The following PPP1R13B variants were observed in gnomAD, a reference collection of about 807,000 sequenced individuals.
PPP1R13B encodes the protein protein phosphatase 1 regulatory subunit 13B.
Under a neutral mutation model 119.8 loss-of-function variants are expected in PPP1R13B, and 44 were observed. The ratio of observed to expected loss-of-function variants is 0.37; its 90% CI spans 0.29 to 0.47. The LOEUF is 0.47. Ranked by LOEUF, PPP1R13B falls within the 20% of genes least tolerant of loss-of-function variation. The pLI is 0.99. For synonymous variants in PPP1R13B, 542 were observed against 561.5 expected, an observed-to-expected ratio of 0.97 and a Z score of 0.49; for missense variants, 1,227 against 1,413.5, an observed-to-expected ratio of 0.87 and a Z score of 2.12.
intron 12 of PPP1R13B, 176 bp from the exon 13 acceptor site, chr14:103,739,199 C>T: frequency 1.3e-6 from 1 of 744,454 alleles, no homozygotes; most frequent in South Asian, 1.8e-5. Flanking sequence ...GGGCCAGGGC[C>T]ACTCTGCTCA....
chr14:103,811,898 T>C (rs2086164764), intron 1 of PPP1R13B, among the ~76,000 whole-genome samples: 1 of 148,742 alleles, frequency 6.7e-6, no homozygotes, highest in Non-Finnish European at 1.5e-5. Context: ...CTACTAAAAA[T>C]ACAAAAACAG....
intron 1 of PPP1R13B, among the ~76,000 whole-genome samples, chr14:103,837,212 G>A (rs962192802): frequency 3.9e-5 from 6 of 152,264 alleles, no homozygotes; most frequent in Non-Finnish European, 8.8e-5. Context: ...CAGGGAGGAC[G>A]TGTGTGGGTG....
intron 1 of PPP1R13B, among the ~76,000 whole-genome samples, chr14:103,810,919 T>C (rs2086137462): frequency 7.1e-6 from 1 of 140,124 alleles, no homozygotes; most frequent in Non-Finnish European, 1.6e-5. Context: ...TGAAGCCCCG[T>C]CTCTACTAAA....
chr14:103,803,999 A>G, intron 1 of PPP1R13B: 1 of 943,020 alleles, frequency 1.1e-6, no homozygotes, highest in South Asian at 4.9e-5. Flanking sequence ...TAAATTATCA[A>G]TAGTTTTCTT....
intron 2 of PPP1R13B, among the ~76,000 whole-genome samples, chr14:103,795,228 G>A (rs761440500): frequency 1.7e-4 from 26 of 152,150 alleles, no homozygotes; most frequent in African/African-American, 2.7e-4. Context: ...AAGAGCCACC[G>A]TGCCCGACCT....
chr14:103,845,312 G>GTTTA (rs1220501869), intron 1 of PPP1R13B, among the ~76,000 whole-genome samples: 6 of 152,116 alleles, frequency 3.9e-5, no homozygotes, highest in Non-Finnish European at 5.9e-5. Context: ...CTCCAACTGT[G>GTTTA]TTAATAGAGG....
intron 4 of PPP1R13B, among the ~76,000 whole-genome samples, chr14:103,772,758 C>G (rs2085101834): frequency 1.3e-5 from 2 of 151,840 alleles, no homozygotes; most frequent in South Asian, 4.2e-4. Flanking sequence ...CTGCAACCTC[C>G]ACCTCCCAAG....
chr14:103,791,771 T>C (rs1358941464), intron 2 of PPP1R13B, among the ~76,000 whole-genome samples: 1 of 152,178 alleles, frequency 6.6e-6, no homozygotes, highest in Non-Finnish European at 1.5e-5. Flanking sequence ...TTTCATTCCA[T>C]ATTTTTAGTT....
rs767909556 is a variant in PPP1R13B, at chr14:103,741,921, G to A, written c.1691C>T (p.Pro564Leu). ...RPFLADKGSR[P>L]QSPRKGPQTV... ...CTGGGGTCCTTTCCTGGGAGACTGT[G>A]GCCTTGACCCTTTATCAGCCAGGAA... is the stretch of plus-strand genomic sequence containing the variant. Residue 564 changes from proline (P) to leucine (L), a missense_variant, in exon 11 of 17, where the codon CCA becomes CTA. By Grantham distance (98) the Pro-to-Leu change is moderately conservative (BLOSUM62 -3). Transcript: ENST00000202556. 3.7e-6 allele frequency: 6 copies of A among 1,614,206 alleles called. No individual in the cohort carries two copies. The highest frequency in any genetic ancestry group is 4.2e-6 in the Non-Finnish European group (5 of 1,180,044).
At chr14:103,807,348 A>G (rs540602591) in intron 1 of PPP1R13B, among the ~76,000 whole-genome samples, 2 of 152,232 alleles carry the variant, frequency 1.3e-5, no homozygotes, top group African/African-American at 4.8e-5. Context: ...TGATCTATGT[A>G]TATATTTGTT....
chr14:103,782,068 G>C (rs1016500994), intron 3 of PPP1R13B, among the ~76,000 whole-genome samples: 1 of 152,034 alleles, frequency 6.6e-6, no homozygotes, highest in Non-Finnish European at 1.5e-5. Context: ...AAAGAACAAA[G>C]AGGTATACAA....
At chr14:103,773,191 G>A (rs1367476545) in intron 4 of PPP1R13B, among the ~76,000 whole-genome samples, 3 of 151,980 alleles carry the variant, frequency 2.0e-5, no homozygotes, top group African/African-American at 7.2e-5. Context: ...TCTTAGGACA[G>A]TATCCAGAAT....
At chr14:103,750,173 T>G (rs975444704) in intron 7 of PPP1R13B, among the ~76,000 whole-genome samples, 1 of 146,828 alleles carries the variant, frequency 6.8e-6, no homozygotes. Flanking sequence ...ACGAAATGAC[T>G]AGTGCCAATG....
chr14:103,818,456 T>G (rs902686903), intron 1 of PPP1R13B: 5 of 964,970 alleles, frequency 5.2e-6, no homozygotes, highest in Non-Finnish European at 6.2e-6. Flanking sequence ...TGACTGAATT[T>G]CTCAATGTTA....
chr14:103,769,062 T>C (rs1471499685), intron 4 of PPP1R13B, among the ~76,000 whole-genome samples: 1 of 152,152 alleles, frequency 6.6e-6, no homozygotes, highest in Non-Finnish European at 1.5e-5. Context: ...TTGTCTTTGT[T>C]TTACTTCCAC....
intron 7 of PPP1R13B, among the ~76,000 whole-genome samples, chr14:103,750,656 C>T (rs961515905): frequency 6.6e-6 from 1 of 151,958 alleles, no homozygotes; most frequent in Admixed American, 6.6e-5. Flanking sequence ...CATGGTAAAA[C>T]CCTGTCTCTA....
At chr14:103,759,814 T>C (rs1330663124) in intron 4 of PPP1R13B, among the ~76,000 whole-genome samples, 2 of 152,232 alleles carry the variant, frequency 1.3e-5, no homozygotes, top group African/African-American at 2.4e-5. Context: ...ATGAATAAGA[T>C]AGAGCTTATT....
chr14:103,764,668 T>A (rs1251157162), intron 4 of PPP1R13B, among the ~76,000 whole-genome samples: 1 of 152,210 alleles, frequency 6.6e-6, no homozygotes, highest in Non-Finnish European at 1.5e-5. Flanking sequence ...AAACATTTCT[T>A]TTGAGCTTTT....
chr14:103,744,666 C>T (rs1042575553), intron 9 of PPP1R13B, among the ~76,000 whole-genome samples: 9 of 152,348 alleles, frequency 5.9e-5, no homozygotes, highest in African/African-American at 1.9e-4. Context: ...GGCCCGACGT[C>T]GAGGTCTGAC....
Sources: gnomAD v4.1 joint callset for allele counts (sites outside exome capture counted in the v4.1 genomes callset) on GRCh38, gnomAD v4.1.1 for gene constraint, MANE v1.5 for transcripts, NCBI Gene and HGNC (gene_info 2026-07-23, HGNC 2026-07-21) for gene names.